Variants in FRAS1 observed in about 807,000 individuals in gnomAD.
FRAS1 encodes Fraser extracellular matrix complex subunit 1, also known as extracellular matrix organizing protein FRAS1.
Under a neutral mutation model 435.2 loss-of-function variants are expected in FRAS1, and 290 were observed. The observed-to-expected ratio is 0.67, with a 90% CI of 0.61 to 0.73. The LOEUF (loss-of-function observed/expected upper bound fraction) is 0.73. Among genes scored for constraint, FRAS1 ranks in the 30% least tolerant of loss-of-function variants. FRAS1 has a pLI of 0.00. For missense variants in FRAS1, 4,860 were observed against 5,001.5 expected, an observed-to-expected ratio of 0.97 and a Z score of 0.85; for synonymous variants, 1,800 against 1,851.0, an observed-to-expected ratio of 0.97 and a Z score of 0.71.
intron 38 of FRAS1, among the ~76,000 whole-genome samples, chr4:78,434,036 A>T (rs1378033773): frequency 1.3e-5 from 2 of 152,226 alleles, no homozygotes; most frequent in East Asian, 3.8e-4. Flanking sequence ...ACTTTCTCTA[A>T]GGGTTGTAGA....
At chr4:78,152,641 A>G (rs1422873783) in intron 2 of FRAS1, among the ~76,000 whole-genome samples, 1 of 115,544 alleles carries the variant, frequency 8.7e-6, no homozygotes, top group Non-Finnish European at 1.7e-5. Flanking sequence ...GTGGTATGTA[A>G]TGCGATATTT....
At chr4:78,527,870 T>C (rs1426081854) in intron 70 of FRAS1, among the ~76,000 whole-genome samples, 2 of 151,938 alleles carry the variant, frequency 1.3e-5, no homozygotes, top group African/African-American at 4.8e-5. Context: ...GAGGGGAAAG[T>C]TGATGATGCA....
intron 56 of FRAS1, among the ~76,000 whole-genome samples, chr4:78,481,226 A>G (rs1265682088): frequency 2.6e-5 from 4 of 152,254 alleles, no homozygotes; most frequent in Non-Finnish European, 5.9e-5. Flanking sequence ...ATGATGTCAC[A>G]GTGGACAGGA....
At chr4:78,066,376 T>G (rs1290282370) in intron 2 of FRAS1, among the ~76,000 whole-genome samples, 2 of 152,110 alleles carry the variant, frequency 1.3e-5, no homozygotes, top group Non-Finnish European at 2.9e-5. Flanking sequence ...CTTCCCACTT[T>G]GAACCCTTCT....
At chr4:78,278,813 A>G in intron 10 of FRAS1, 69 bp downstream of exon 10, 1 of 921,048 alleles carries the variant, frequency 1.1e-6, no homozygotes, top group South Asian at 1.4e-5. Context: ...AGGGAACATT[A>G]CCTTCTTGTT....
intron 73 of FRAS1, 66 bp downstream of exon 73, chr4:78,539,506 AAAAG>A (rs1721985753): frequency 1.3e-5 from 18 of 1,361,492 alleles, no homozygotes; most frequent in South Asian, 2.7e-5. Context: ...AAAAAAAAAA[AAAAG>A]AAGGAGGACT....
In FRAS1 at chr4:78,284,387, C is replaced by A. The variant is rs1233022893; in HGVS notation, c.1256-18C>A. ...ATGGAGTTCACAGAGTTCTCCCCTT[C>A]TTTGTCCTTGATTTCAGTTCATTGC... is the stretch of plus-strand genomic sequence containing the variant. On this transcript the variant is annotated intron_variant, in intron 12 of 73. Transcript: ENST00000512123. 6.2e-7 allele frequency: 1 copy of A among 1,613,562 alleles called. No individual in the cohort carries two copies. Among genetic ancestry groups the A allele is most frequent in the Admixed American group, 1.7e-5 (1 of 59,982 alleles).
chr4:78,315,040 C>A (rs1235735386), intron 15 of FRAS1, among the ~76,000 whole-genome samples: 2 of 152,124 alleles, frequency 1.3e-5, no homozygotes, highest in Non-Finnish European at 2.9e-5. Flanking sequence ...TGACACAGAC[C>A]TTAGCATATG....
intron 20 of FRAS1, among the ~76,000 whole-genome samples, chr4:78,340,404 C>T (rs1315800615): frequency 6.6e-6 from 1 of 152,184 alleles, no homozygotes; most frequent in African/African-American, 2.4e-5. Context: ...TTTCAGAGAA[C>T]TGTGCTGACC....
In FRAS1 at chr4:78,387,364, C is replaced by T. The variant is rs762457021; in HGVS notation, c.3649-11C>T. 1 of 1,585,174 alleles carries T rather than the reference C, an allele frequency of 6.3e-7. No individual in the cohort carries two copies. Among genetic ancestry groups the T allele is most frequent in the East Asian group, 2.2e-5 (1 of 44,610 alleles). ...CCTCTTAACTGACTCTTCTTCCCTT[C>T]AACTCCACAGGCCCCCTATGTGCTG... On this transcript the variant is annotated splice_polypyrimidine_tract_variant and intron_variant, in intron 28 of 73. Transcript: ENST00000512123.
chr4:78,288,861 A>G (rs1727743572), intron 14 of FRAS1, among the ~76,000 whole-genome samples: 1 of 152,224 alleles, frequency 6.6e-6, no homozygotes, highest in Non-Finnish European at 1.5e-5. Flanking sequence ...ACTTTTCACC[A>G]CTGACCTTGG....
At chr4:78,167,859 G>A (rs1469009110) in intron 2 of FRAS1, among the ~76,000 whole-genome samples, 1 of 152,014 alleles carries the variant, frequency 6.6e-6, no homozygotes, top group African/African-American at 2.4e-5. Flanking sequence ...GATCTGGGTG[G>A]ACATTTGATA....
chr4:78,450,502 G>C, intron 45 of FRAS1, 163 bp downstream of exon 45: 1 of 613,298 alleles, frequency 1.6e-6, no homozygotes. Context: ...TTTTCTTTTT[G>C]TTTTTAAAAA....
At chr4:78,124,806 G>C (rs1271576218) in intron 2 of FRAS1, among the ~76,000 whole-genome samples, 1 of 151,924 alleles carries the variant, frequency 6.6e-6, no homozygotes, top group African/African-American at 2.4e-5. Flanking sequence ...TATTTCTGTG[G>C]GATCGGTGGT....
intron 57 of FRAS1, 132 bp downstream of exon 57, chr4:78,482,096 A>G (rs1720029292): frequency 3.1e-6 from 3 of 960,862 alleles, no homozygotes; most frequent in Non-Finnish European, 1.5e-6. Flanking sequence ...AAACACACAT[A>G]CATAAACAAG....
At chr4:78,298,137 CATATT>C (rs201750433) in intron 14 of FRAS1, among the ~76,000 whole-genome samples, 2,021 of 145,182 alleles carry the variant, frequency 0.014, 53 homozygotes, top group African/African-American at 0.048. Flanking sequence ...AGGTATATAA[CATATT>C]ATAAGGTGCA....
chr4:78,215,210 ATT>A (rs1553930911), intron 2 of FRAS1, among the ~76,000 whole-genome samples: 1 of 104,072 alleles, frequency 9.6e-6, no homozygotes, highest in South Asian at 3.2e-4. Context: ...TATTATTATT[ATT>A]TTGAGATGGA....
At chr4:78,248,931 G>A (rs896183609) in intron 4 of FRAS1, among the ~76,000 whole-genome samples, 5 of 151,090 alleles carry the variant, frequency 3.3e-5, no homozygotes, top group African/African-American at 1.2e-4. Flanking sequence ...AGGTAAAACC[G>A]GGTCCTGTGG....
chr4:78,472,461 T>A, intron 52 of FRAS1, 131 bp downstream of exon 52: 1 of 648,240 alleles, frequency 1.5e-6, no homozygotes. Context: ...GATCTTCTAG[T>A]GCTTAACCAT....
Sources: gnomAD v4.1 joint callset for allele counts (sites outside exome capture counted in the v4.1 genomes callset) on GRCh38, gnomAD v4.1.1 for gene constraint, MANE v1.5 for transcripts, NCBI Gene and HGNC (gene_info 2026-07-23, HGNC 2026-07-21) for gene names.